TRIM58: variants seen among roughly 807,000 people sequenced by gnomAD.
TRIM58 encodes the protein E3 ubiquitin-protein ligase TRIM58.
In TRIM58, 38 loss-of-function variants were observed where a neutral mutation model predicts 34.1. The ratio of observed to expected loss-of-function variants is 1.12; its 90% CI spans 0.86 to 1.46. The LOEUF is 1.46. Among genes scored for constraint, TRIM58 ranks in the 40% most tolerant of loss-of-function variants. The pLI is 0.00. For synonymous variants in TRIM58, 273 were observed against 275.7 expected, an observed-to-expected ratio of 0.99 and a Z score of 0.10; for missense variants, 677 against 642.0, an observed-to-expected ratio of 1.05 and a Z score of -0.59.
At chr1:247,863,474 G>T (rs1480654289) in intron 2 of TRIM58, among the ~76,000 whole-genome samples, 1 of 151,766 alleles carries the variant, frequency 6.6e-6, no homozygotes, top group African/African-American at 2.4e-5. Flanking sequence ...GGAGGAGGAG[G>T]TTGTAGTGAG....
chr1:247,874,033 A>T (rs867178372), intron 5 of TRIM58, among the ~76,000 whole-genome samples: 5 of 137,518 alleles, frequency 3.6e-5, no homozygotes, highest in East Asian at 3.9e-4. Flanking sequence ...TAGTAGCAGT[A>T]GCAGTAGCAG....
chr1:247,879,597 A>G lies in TRIM58; in HGVS notation c.*3108A>G, dbSNP rs1659364232. Among the ~76,000 whole-genome samples, 1 of 151,586 alleles carries G rather than the reference A, an allele frequency of 6.6e-6. No homozygotes were observed. Among genetic ancestry groups the G allele is most frequent in the Admixed American group, 6.6e-5 (1 of 15,180 alleles). ...TAGAGGATGTGAACCCCCAGGCCCTAGAGGATCTGAACCCCCATCCCTCCT... is the reference window on the plus strand; with the variant it reads ...TAGAGGATGTGAACCCCCAGGCCCTGGAGGATCTGAACCCCCATCCCTCCT... On this transcript the variant is annotated 3_prime_UTR_variant, in exon 6 of 6. Coordinates refer to ENST00000366481, the MANE Select transcript of TRIM58 (RefSeq NM_015431.4).
At chr1:247,869,795 A>T (rs1659054175) in intron 5 of TRIM58, among the ~76,000 whole-genome samples, 1 of 152,200 alleles carries the variant, frequency 6.6e-6, no homozygotes, top group Non-Finnish European at 1.5e-5. Flanking sequence ...CAACTGACCA[A>T]AGACAAATAG....
chr1:247,875,858 C>T (rs779244734), intron 5 of TRIM58, 42 bp from the exon 6 acceptor site: 1 of 1,537,166 alleles, frequency 6.5e-7, no homozygotes, highest in East Asian at 2.3e-5. Flanking sequence ...TTCTACCAGT[C>T]CTTTCTTTCC....
Position 247,880,097 on chromosome 1 carries a change from A to G in TRIM58, c.*3608A>G, listed in dbSNP as rs1465479746. ...TGTATGTGGTTATCATTCAATCTGT[A>G]TTTGTTGAATGAATAAATGATTGAC... On this transcript the variant is annotated 3_prime_UTR_variant, in exon 6 of 6. Transcript: ENST00000366481. 6.6e-6 allele frequency among the ~76,000 whole-genome samples: 1 copy of G among 152,068 alleles called. No individual in the cohort carries two copies. The highest frequency in any genetic ancestry group is 1.5e-5 in the Non-Finnish European group (1 of 68,018).
Position 247,857,324 on chromosome 1 carries a change from G to A in TRIM58, c.78G>A (p.Pro26=), listed in dbSNP as rs966295016. The A allele has an allele frequency of 6.8e-7, 1 of 1,465,344 alleles. No homozygotes were observed. Among genetic ancestry groups the A allele is most frequent in the Non-Finnish European group, 9.1e-7 (1 of 1,104,228 alleles). The allele number at this position is 1,465,344 out of a possible 1,614,324, so 90.8% of individuals were successfully genotyped here. A position where few individuals can be genotyped will look rare whatever the true frequency, so the allele number is the denominator to read the frequency against. Residue 26 remains proline, a synonymous_variant, in exon 1 of 6, where the codon CCG becomes CCA. Coordinates refer to ENST00000366481, the MANE Select transcript of TRIM58 (RefSeq NM_015431.4). Reference sequence around the variant, plus strand: ...TGTGCCTGGATTTCCTGCAGGAGCCGGTCAGCGTGGACTGCGGCCACAGCT... The same window carrying A: ...TGTGCCTGGATTTCCTGCAGGAGCCAGTCAGCGTGGACTGCGGCCACAGCT... ...CPVCLDFLQE[P]VSVDCGHSFC... is the part of the protein sequence containing the mutation.
intron 2 of TRIM58, among the ~76,000 whole-genome samples, chr1:247,863,994 C>T (rs1329179266): frequency 6.6e-6 from 1 of 152,108 alleles, no homozygotes; most frequent in Non-Finnish European, 1.5e-5. Context: ...TTTTCTTATT[C>T]AAACAAACAT....
In TRIM58 at chr1:247,876,597, A is replaced by G; in HGVS notation, c.*108A>G. On this transcript the variant is annotated 3_prime_UTR_variant, in exon 6 of 6. Coordinates refer to ENST00000366481, the MANE Select transcript of TRIM58 (RefSeq NM_015431.4). ...GATACCCCATTTAGGTCAGCACTTG[A>G]TTCGTTGTTGCTGTGAAATATGTCC... 1 of 795,554 alleles carries G rather than the reference A, an allele frequency of 1.3e-6. No individual in the cohort carries two copies. The highest frequency in any genetic ancestry group is 2.0e-6 in the Non-Finnish European group (1 of 509,292). The allele number at this position is 795,554 out of a possible 1,614,324, so 49.3% of individuals were successfully genotyped here.
In TRIM58 at chr1:247,876,784, C is replaced by A; in HGVS notation, c.*295C>A. 1 of 359,126 alleles carries A rather than the reference C, an allele frequency of 2.8e-6. No homozygotes were observed. The highest frequency in any genetic ancestry group is 4.5e-5 in the South Asian group (1 of 22,272). The allele number at this position is 359,126 out of a possible 1,614,324, so 22.2% of individuals were successfully genotyped here. A position where few individuals can be genotyped will look rare whatever the true frequency, so the allele number is the denominator to read the frequency against. Reference sequence around the variant, plus strand: ...GATTACATAAGGATTTCTATGCATTCATTATAATTTGTTATTCCTTTCAAT... The same window carrying A: ...GATTACATAAGGATTTCTATGCATTAATTATAATTTGTTATTCCTTTCAAT... On this transcript the variant is annotated 3_prime_UTR_variant, in exon 6 of 6. Transcript: ENST00000366481.
intron 3 of TRIM58, among the ~76,000 whole-genome samples, chr1:247,866,960 T>C (rs866201151): frequency 2.0e-5 from 3 of 152,198 alleles, no homozygotes; most frequent in African/African-American, 4.8e-5. Context: ...TTAAAACTTA[T>C]CTGACTGGCA....
chr1:247,877,023 G>T lies in TRIM58; in HGVS notation c.*534G>T. 1 of 154,716 alleles carries T rather than the reference G, an allele frequency of 6.5e-6. No individual in the cohort carries two copies. The highest frequency in any genetic ancestry group is 6.3e-5 in the Admixed American group (1 of 15,810). 9.6% of individuals were successfully genotyped at this position (154,716 alleles called of 1,614,324 possible). A position where few individuals can be genotyped will look rare whatever the true frequency, so the allele number is the denominator to read the frequency against. On this transcript the variant is annotated 3_prime_UTR_variant, in exon 6 of 6. Transcript: ENST00000366481. ...TATTTTTTGTTTCTTACCTCTTACT[G>T]TTTAACCTGTTGCTTCCTTCTGGAT...
At chr1:247,857,779 C>T (rs1454908218) in intron 1 of TRIM58, 113 bp downstream of exon 1, 5 of 1,180,568 alleles carry the variant, frequency 4.2e-6, no homozygotes, top group Admixed American at 4.5e-5. Context: ...CACGGCCGCT[C>T]CCCCCACCGC....
intron 5 of TRIM58, among the ~76,000 whole-genome samples, chr1:247,871,774 A>G (rs912495707): frequency 2.6e-5 from 4 of 152,242 alleles, no homozygotes; most frequent in African/African-American, 9.6e-5. Flanking sequence ...CAACAACAAA[A>G]TACTCTACAA....
At chr1:247,872,616 A>C (rs937378122) in intron 5 of TRIM58, among the ~76,000 whole-genome samples, 2 of 152,198 alleles carry the variant, frequency 1.3e-5, no homozygotes, top group African/African-American at 2.4e-5. Context: ...ATGAATGTAC[A>C]ATAGGGAGTT....
intron 5 of TRIM58, among the ~76,000 whole-genome samples, chr1:247,874,895 A>G (rs4925748): frequency 0.34 from 51,108 of 151,920 alleles, 8,811 homozygotes; most frequent in African/African-American, 0.38. Flanking sequence ...GCATAATACA[A>G]TTCTGTGCAA....
chr1:247,857,297 G>A lies in TRIM58; in HGVS notation c.51G>A (p.Pro17=). 3.5e-6 allele frequency: 5 copies of A among 1,408,692 alleles called. No individual in the cohort carries two copies. Among genetic ancestry groups the A allele is most frequent in the Non-Finnish European group, 4.7e-6 (5 of 1,073,146 alleles). The allele number at this position is 1,408,692 out of a possible 1,614,324, so 87.3% of individuals were successfully genotyped here. A position where few individuals can be genotyped will look rare whatever the true frequency, so the allele number is the denominator to read the frequency against. Residue 17 remains proline, a synonymous_variant, in exon 1 of 6, where the codon CCG becomes CCA. Coordinates refer to ENST00000366481, the MANE Select transcript of TRIM58 (RefSeq NM_015431.4). ...GERLREDARC[P]VCLDFLQEPV... Reference sequence around the variant, plus strand: ...GGCTGCGCGAGGATGCGCGGTGCCCGGTGTGCCTGGATTTCCTGCAGGAGC... The same window carrying A: ...GGCTGCGCGAGGATGCGCGGTGCCCAGTGTGCCTGGATTTCCTGCAGGAGC...
At chr1:247,859,797 GA>G (rs1663739430) in intron 1 of TRIM58, among the ~76,000 whole-genome samples, 1 of 151,602 alleles carries the variant, frequency 6.6e-6, no homozygotes, top group Non-Finnish European at 1.5e-5. Context: ...TAAATATAGA[GA>G]AATGTATAAA....
chr1:247,879,936 C>T lies in TRIM58; in HGVS notation c.*3447C>T, dbSNP rs61855717. On this transcript the variant is annotated 3_prime_UTR_variant, in exon 6 of 6. Coordinates refer to ENST00000366481, the MANE Select transcript of TRIM58 (RefSeq NM_015431.4). ...TTGTTCCCCATACAGTACGTGTCGTCGTACTATATTGTTAGGCTTATTTAA... is the reference window on the plus strand; with the variant it reads ...TTGTTCCCCATACAGTACGTGTCGTTGTACTATATTGTTAGGCTTATTTAA... 0.13 allele frequency among the ~76,000 whole-genome samples: 19,851 copies of T among 151,662 alleles called. 1,563 individuals are homozygous for T. The highest frequency in any genetic ancestry group is 0.18 in the East Asian group (934 of 5,084).
At chr1:247,857,741 C>G (rs1274272271) in intron 1 of TRIM58, 75 bp downstream of exon 1, 3 of 1,197,710 alleles carry the variant, frequency 2.5e-6, no homozygotes, top group African/African-American at 1.6e-5. Context: ...GCGGAGCCGC[C>G]GAGGCCACCC....
Sources: gnomAD v4.1 joint callset for allele counts (sites outside exome capture counted in the v4.1 genomes callset) on GRCh38, gnomAD v4.1.1 for gene constraint, MANE v1.5 for transcripts, NCBI Gene and HGNC (gene_info 2026-07-23, HGNC 2026-07-21) for gene names.